The following OTUD7B variants were observed in gnomAD, a reference collection of about 807,000 sequenced individuals.
The protein encoded by OTUD7B is OTU deubiquitinase 7B, also known as OTU domain-containing protein 7B.
OTUD7B carries 34 observed loss-of-function variants against 82.2 expected under a neutral mutation model. That is an observed-to-expected ratio of 0.41 (90% CI 0.31 to 0.55). OTUD7B has a LOEUF of 0.55. OTUD7B is among the 20% of genes least tolerant of loss of function. OTUD7B has a pLI of 0.20. For missense variants in OTUD7B, 944 were observed against 1,062.1 expected (o/e 0.89, Z 1.55); for synonymous variants, 398 against 402.7 (o/e 0.99, Z 0.14).
intron 7 of OTUD7B, among the ~76,000 whole-genome samples, chr1:149,958,588 A>C (rs1197177885): frequency 6.6e-6 from 1 of 152,060 alleles, no homozygotes; most frequent in Non-Finnish European, 1.5e-5. Context: ...TTCTGGGATT[A>C]CAGGCGTGAG....
At chr1:149,980,750 T>G (rs1167346567) in intron 1 of OTUD7B, among the ~76,000 whole-genome samples, 1 of 151,162 alleles carries the variant, frequency 6.6e-6, no homozygotes, top group South Asian at 2.1e-4. Flanking sequence ...CAGTGGCTCA[T>G]GCCTGTAATC....
chr1:150,015,031 T>C (rs1444067472), upstream of OTUD7B, among the ~76,000 whole-genome samples: 2 of 152,224 alleles, frequency 1.3e-5, no homozygotes, highest in East Asian at 3.8e-4. Context: ...TGACACTCCA[T>C]TAGCTAAGTT....
At chr1:150,024,932 C>T in the OTUD7B span, among the ~76,000 whole-genome samples, 4 of 152,064 alleles carry the variant, frequency 2.6e-5, no homozygotes, top group Non-Finnish European at 5.9e-5. Flanking sequence ...TCTGTAGTCC[C>T]AGCTACTCGG....
At chr1:149,962,340 T>C (rs1241056513) in intron 6 of OTUD7B, 2 of 152,218 alleles carry the variant, frequency 1.3e-5, no homozygotes, top group African/African-American at 4.8e-5. Flanking sequence ...GTGGTTTTGG[T>C]ACTGGGGAGC....
intron 1 of OTUD7B, among the ~76,000 whole-genome samples, chr1:149,994,992 C>G (rs1651832487): frequency 6.6e-6 from 1 of 152,098 alleles, no homozygotes; most frequent in Non-Finnish European, 1.5e-5. Context: ...CTTTGTTTAC[C>G]TCAATCTTTT....
upstream of OTUD7B, among the ~76,000 whole-genome samples, chr1:150,012,522 C>G (rs1217638273): frequency 2.6e-5 from 4 of 152,138 alleles, no homozygotes; most frequent in Admixed American, 6.6e-5. Context: ...CTGTCCAGAA[C>G]CAGGTTATAC....
the OTUD7B span, among the ~76,000 whole-genome samples, chr1:150,061,153 A>G: frequency 6.6e-6 from 1 of 152,228 alleles, no homozygotes; most frequent in Admixed American, 6.5e-5. Context: ...TGGCCCGCAA[A>G]TGCTGGGATT....
chr1:150,036,726 C>T, the OTUD7B span, among the ~76,000 whole-genome samples: 1 of 152,100 alleles, frequency 6.6e-6, no homozygotes, highest in African/African-American at 2.4e-5. Context: ...TAGAAATAAA[C>T]ATCATGAAAT....
At chr1:149,977,624 T>A (rs1388255920) in intron 1 of OTUD7B, 48 bp from the exon 2 acceptor site, 5 of 736,058 alleles carry the variant, frequency 6.8e-6, no homozygotes, top group Admixed American at 2.1e-5. Context: ...TGGAACAGGA[T>A]AATCACAGTC....
At chr1:150,019,436 C>T in the OTUD7B span, among the ~76,000 whole-genome samples, 1 of 152,130 alleles carries the variant, frequency 6.6e-6, no homozygotes, top group African/African-American at 2.4e-5. Context: ...AGCACAATCT[C>T]GGCTCACTGC....
upstream of OTUD7B, among the ~76,000 whole-genome samples, chr1:150,014,610 T>C (rs1359856217): frequency 6.6e-6 from 1 of 152,198 alleles, no homozygotes; most frequent in Non-Finnish European, 1.5e-5. Flanking sequence ...AAATTACTTA[T>C]ATTGTTCTTA....
chr1:150,025,943 G>A, the OTUD7B span, among the ~76,000 whole-genome samples: 1 of 152,194 alleles, frequency 6.6e-6, no homozygotes, highest in Non-Finnish European at 1.5e-5. Flanking sequence ...TGTTTGTCAG[G>A]TTGCAAGAAG....
At chr1:150,035,901 C>G in the OTUD7B span, among the ~76,000 whole-genome samples, 1 of 150,986 alleles carries the variant, frequency 6.6e-6, no homozygotes, top group Non-Finnish European at 1.5e-5. Flanking sequence ...CTTACGCATA[C>G]ATTGCTTTTT....
intron 7 of OTUD7B, among the ~76,000 whole-genome samples, chr1:149,954,427 T>C (rs1242612341): frequency 6.6e-6 from 1 of 152,214 alleles, no homozygotes; most frequent in African/African-American, 2.4e-5. Context: ...AGCTTTTTGA[T>C]GTGCTGCTGG....
chr1:150,028,988 T>C, the OTUD7B span, among the ~76,000 whole-genome samples: 1 of 150,610 alleles, frequency 6.6e-6, no homozygotes, highest in Non-Finnish European at 1.5e-5. Flanking sequence ...TAATATTCCA[T>C]TGTGTATATA....
chr1:149,964,933 A>G (rs139529959), intron 5 of OTUD7B, among the ~76,000 whole-genome samples: 2,034 of 144,872 alleles, frequency 0.014, 66 homozygotes, highest in African/African-American at 0.049. Flanking sequence ...TTTGTTGCCC[A>G]GGCTGGAGTA....
chr1:149,938,876 G>A lies in OTUD7B; in HGVS notation c.*4981C>T, dbSNP rs1553769788. 2 of 145,642 alleles carry A rather than the reference G, an allele frequency of 1.4e-5. No individual in the cohort carries two copies. The highest frequency in any genetic ancestry group is 5.1e-5 in the African/African-American group (2 of 38,944). 9.0% of individuals were successfully genotyped at this position (145,642 alleles called of 1,614,324 possible). A position where few individuals can be genotyped will look rare whatever the true frequency, so the allele number is the denominator to read the frequency against. On this transcript the variant is annotated 3_prime_UTR_variant, in exon 12 of 12. Coordinates refer to ENST00000581312, the MANE Select transcript of OTUD7B (RefSeq NM_020205.4). ...GAACCCAGGAGACGAAGGTTGCAGTGAGCCGGGATCGCGCCATTGCACTCC... is the reference window on the plus strand; with the variant it reads ...GAACCCAGGAGACGAAGGTTGCAGTAAGCCGGGATCGCGCCATTGCACTCC...
the OTUD7B span, among the ~76,000 whole-genome samples, chr1:150,053,369 G>C: frequency 6.6e-6 from 1 of 151,830 alleles, no homozygotes; most frequent in African/African-American, 2.4e-5. Context: ...AGTGGGCAAA[G>C]GACATGAACA....
chr1:150,046,823 C>T, the OTUD7B span, among the ~76,000 whole-genome samples: 1 of 151,768 alleles, frequency 6.6e-6, no homozygotes, highest in Non-Finnish European at 1.5e-5. Context: ...GTAATCCCAG[C>T]ACTTTGGGAG....
Sources: allele counts gnomAD v4.1 joint callset (sites outside exome capture counted in the v4.1 genomes callset), GRCh38; gene constraint gnomAD v4.1.1; transcripts MANE v1.5; gene names NCBI Gene and HGNC (gene_info 2026-07-23, HGNC 2026-07-21).